The following ARHGAP21 variants were observed in gnomAD, a reference collection of about 807,000 sequenced individuals.
ARHGAP21 encodes Rho GTPase activating protein 21.
ARHGAP21 carries 38 observed loss-of-function variants against 164.6 expected under a neutral mutation model. The ratio of observed to expected loss-of-function variants is 0.23; its 90% CI spans 0.18 to 0.30. The LOEUF (loss-of-function observed/expected upper bound fraction) is 0.30. ARHGAP21 is among the 10% of genes least tolerant of loss of function. ARHGAP21 has a pLI of 1.00. For missense variants in ARHGAP21, 1,822 were observed against 2,370.7 expected, an observed-to-expected ratio of 0.77 and a Z score of 4.81; for synonymous variants, 766 against 857.9, an observed-to-expected ratio of 0.89 and a Z score of 1.87.
At position 24,618,591 on chromosome 10, in the gene ARHGAP21, C is replaced by T. The variant is rs1447235083; in HGVS notation, c.2422+882G>A. On this transcript the variant is annotated intron_variant, in intron 9 of 25. Transcript: ENST00000396432. The stretch of plus-strand genomic sequence containing the variant: ...TTGTTAACTATCTGTGGAATGTATA[C>T]CAGGGTTAGAAACCAGCTGTACCTG... Among the ~76,000 whole-genome samples the T allele has an allele frequency of 2.6e-5, 4 of 152,058 alleles. No individual in the cohort carries two copies. In the East Asian group the frequency reaches 7.7e-4, roughly 29 times the overall value.
At chr10:24,709,236 A>G (rs896792817) in intron 2 of ARHGAP21, among the ~76,000 whole-genome samples, 1 of 152,218 alleles carries the variant, frequency 6.6e-6, no homozygotes, top group African/African-American at 2.4e-5. Context: ...GAACACATCA[A>G]TAACAAGTAG....
intron 24 of ARHGAP21, chr10:24,589,607 A>C (rs2076250215): frequency 3.2e-6 from 1 of 310,256 alleles, no homozygotes; most frequent in Non-Finnish European, 5.9e-6. Flanking sequence ...TAAATCTAGC[A>C]ATAAAGAAGC....
intron 21 of ARHGAP21, among the ~76,000 whole-genome samples, 182 bp downstream of exon 21, chr10:24,594,768 T>C (rs2076507278): frequency 1.3e-5 from 2 of 152,224 alleles, no homozygotes; most frequent in Non-Finnish European, 2.9e-5. Context: ...AAAATATCCT[T>C]TTAAAATGGT....
intron 9 of ARHGAP21, among the ~76,000 whole-genome samples, chr10:24,612,670 C>T (rs936011753): frequency 1.2e-4 from 18 of 151,628 alleles, no homozygotes; most frequent in African/African-American, 2.4e-4. Flanking sequence ...CTGGTTAATA[C>T]GGTGAAACCC....
intron 2 of ARHGAP21, among the ~76,000 whole-genome samples, chr10:24,707,875 T>C (rs867122064): frequency 1.3e-5 from 2 of 152,188 alleles, no homozygotes; most frequent in South Asian, 4.1e-4. Flanking sequence ...CACCCCTCTC[T>C]GGAATCTTGT....
At chr10:24,687,498 C>T (rs546521621) in intron 2 of ARHGAP21, among the ~76,000 whole-genome samples, 1 of 152,326 alleles carries the variant, frequency 6.6e-6, no homozygotes, top group South Asian at 2.1e-4. Context: ...GCATATAGCA[C>T]ATTTCACAAC....
intron 2 of ARHGAP21, among the ~76,000 whole-genome samples, chr10:24,720,770 C>T (rs2132347863): frequency 6.6e-6 from 1 of 152,188 alleles, no homozygotes; most frequent in African/African-American, 2.4e-5. Flanking sequence ...AATTTAACAT[C>T]CGGTGCAAAA....
chr10:24,664,221 A>G (rs1451759413), intron 4 of ARHGAP21, among the ~76,000 whole-genome samples: 2 of 152,150 alleles, frequency 1.3e-5, no homozygotes, highest in Non-Finnish European at 2.9e-5. Flanking sequence ...TTCTATGGCC[A>G]CTGGCAAGCT....
intron 2 of ARHGAP21, among the ~76,000 whole-genome samples, chr10:24,714,864 A>T (rs1241007286): frequency 1.3e-5 from 2 of 152,018 alleles, no homozygotes; most frequent in African/African-American, 4.8e-5. Flanking sequence ...CCCCGTCTCT[A>T]CTAAAAATAC....
At chr10:24,615,703 T>C (rs1264936359) in intron 9 of ARHGAP21, among the ~76,000 whole-genome samples, 1 of 152,182 alleles carries the variant, frequency 6.6e-6, no homozygotes, top group Non-Finnish European at 1.5e-5. Context: ...CACTGGGTTA[T>C]GGTAAGGACT....
chr10:24,603,769 G>A (rs566883381), intron 12 of ARHGAP21, among the ~76,000 whole-genome samples: 20 of 152,192 alleles, frequency 1.3e-4, no homozygotes, highest in Non-Finnish European at 2.2e-4. Context: ...AGGCCAAGGC[G>A]GGCAGATCAC....
intron 15 of ARHGAP21, 152 bp from the exon 16 acceptor site, chr10:24,597,735 G>A: frequency 1.6e-6 from 2 of 1,266,372 alleles, no homozygotes; most frequent in Non-Finnish European, 2.2e-6. Context: ...GTCCTGCCCA[G>A]AATAAGAATC....
rs1846160741 is a variant in ARHGAP21, at chr10:24,723,794, T to G, written c.-613A>C. 1 of 137,268 alleles carries G rather than the reference T, an allele frequency of 7.3e-6. No individual in the cohort carries two copies. Among genetic ancestry groups the G allele is most frequent in the African/African-American group, 2.6e-5 (1 of 38,680 alleles). 8.5% of individuals were successfully genotyped at this position (137,268 alleles called of 1,614,324 possible). On this transcript the variant is annotated 5_prime_UTR_variant, in exon 1 of 26. Transcript: ENST00000396432. ...GGCTCTCGGCCGCCGCAGGAGGGCG[T>G]GGGGCGGGGCGGCGGCCGCCGGACT...
intron 12 of ARHGAP21, among the ~76,000 whole-genome samples, chr10:24,603,020 T>C (rs1471270124): frequency 6.6e-6 from 1 of 152,100 alleles, no homozygotes; most frequent in African/African-American, 2.4e-5. Flanking sequence ...AAACCTTGAG[T>C]TGCTGATTAA....
At chr10:24,720,405 C>T (rs1845810177) in intron 2 of ARHGAP21, among the ~76,000 whole-genome samples, 3 of 152,144 alleles carry the variant, frequency 2.0e-5, no homozygotes, top group Admixed American at 2.0e-4. Context: ...AAGCAATCAC[C>T]AGGTTGCAGG....
At chr10:24,687,633 A>T (rs1842340399) in intron 2 of ARHGAP21, among the ~76,000 whole-genome samples, 1 of 152,238 alleles carries the variant, frequency 6.6e-6, no homozygotes, top group African/African-American at 2.4e-5. Flanking sequence ...GATATGAATA[A>T]AATCTTGTTT....
At chr10:24,667,271 T>C (rs1840289054) in intron 3 of ARHGAP21, among the ~76,000 whole-genome samples, 1 of 152,176 alleles carries the variant, frequency 6.6e-6, no homozygotes, top group African/African-American at 2.4e-5. Context: ...AAGCAGGCTG[T>C]GGGTGAAGCC....
At chr10:24,666,879 A>G (rs1395336603) in intron 4 of ARHGAP21, 106 bp downstream of exon 4, 1 of 776,710 alleles carries the variant, frequency 1.3e-6, no homozygotes, top group Admixed American at 3.4e-5. Context: ...GAACTATTAT[A>G]TATTTGAACA....
chr10:24,607,686 T>C, intron 10 of ARHGAP21, 59 bp downstream of exon 10: 2 of 1,609,972 alleles, frequency 1.2e-6, no homozygotes, highest in Non-Finnish European at 8.5e-7. Context: ...TTTATCATAC[T>C]ATTCTAAGTG....
Sources: allele counts gnomAD v4.1 joint callset (sites outside exome capture counted in the v4.1 genomes callset), GRCh38; gene constraint gnomAD v4.1.1; transcripts MANE v1.5; gene names NCBI Gene and HGNC (gene_info 2026-07-23, HGNC 2026-07-21).